Variants in MTMR9 observed in about 807,000 individuals in gnomAD.
MTMR9 encodes myotubularin related protein 9.
Under a neutral mutation model 69.5 loss-of-function variants are expected in MTMR9, and 39 were observed. The ratio of observed to expected loss-of-function variants is 0.56; its 90% CI spans 0.43 to 0.73. The LOEUF is 0.73. Among genes scored for constraint, MTMR9 ranks in the 30% least tolerant of loss-of-function variants. The pLI is 0.00. For missense variants in MTMR9, 900 were observed against 671.2 expected, an observed-to-expected ratio of 1.34 and a Z score of -3.77; for synonymous variants, 354 against 240.8, an observed-to-expected ratio of 1.47 and a Z score of -4.35.
chr8:11,313,576 T>G (rs1325270692), intron 6 of MTMR9, among the ~76,000 whole-genome samples: 1 of 152,240 alleles, frequency 6.6e-6, no homozygotes, highest in South Asian at 2.1e-4. Context: ...TCCTTTCATT[T>G]GAACACTTAC....
At chr8:11,330,346 C>A (rs1296957712), downstream of MTMR9, among the ~76,000 whole-genome samples, 3 of 151,890 alleles carry the variant, frequency 2.0e-5, no homozygotes, top group South Asian at 2.1e-4. Flanking sequence ...AGGTGGGGGG[C>A]GCCTCTGCCC....
intron 2 of MTMR9, among the ~76,000 whole-genome samples, chr8:11,295,969 C>G (rs1180566739): frequency 6.6e-6 from 1 of 152,150 alleles, no homozygotes; most frequent in Non-Finnish European, 1.5e-5. Context: ...GTTCACTTCT[C>G]TACCAGGTTA....
chr8:11,311,496 A>G (rs1800196599), intron 6 of MTMR9, among the ~76,000 whole-genome samples: 1 of 152,248 alleles, frequency 6.6e-6, no homozygotes, highest in African/African-American at 2.4e-5. Flanking sequence ...TCTAGTGCAT[A>G]TAAAGTTATG....
At chr8:11,300,705 G>A (rs1224109885) in intron 3 of MTMR9, 1 of 152,138 alleles carries the variant, frequency 6.6e-6, no homozygotes, top group Non-Finnish European at 1.5e-5. Context: ...ATACAAAAAC[G>A]AATTGAATTG....
At chr8:11,319,908 G>A (rs1185997679) in intron 9 of MTMR9, 70 bp downstream of exon 9, 70 of 1,504,500 alleles carry the variant, frequency 4.7e-5, no homozygotes, top group Non-Finnish European at 6.0e-5. Flanking sequence ...AGTGTGTGCT[G>A]TTGGTGATGT....
chr8:11,336,033 G>A, the MTMR9 span, among the ~76,000 whole-genome samples: 1 of 152,166 alleles, frequency 6.6e-6, no homozygotes, highest in Admixed American at 6.5e-5. Context: ...GACAAGGAAT[G>A]CATAGCTGCA....
chr8:11,290,090 G>T (rs1286269876), intron 1 of MTMR9, among the ~76,000 whole-genome samples: 1 of 151,958 alleles, frequency 6.6e-6, no homozygotes, highest in Non-Finnish European at 1.5e-5. Context: ...TGCAGGAGAG[G>T]GTACCTCGTC....
chr8:11,330,261 C>A (rs35631424), downstream of MTMR9, among the ~76,000 whole-genome samples: 84 of 149,486 alleles, frequency 5.6e-4, 1 homozygote, highest in Admixed American at 2.3e-3. Context: ...GTCAGCCCCC[C>A]ACCGGCCAGC....
At chr8:11,312,398 G>A (rs1480317238) in intron 6 of MTMR9, among the ~76,000 whole-genome samples, 1 of 152,134 alleles carries the variant, frequency 6.6e-6, no homozygotes, top group South Asian at 2.1e-4. Context: ...CCAAGCTGGA[G>A]TGCAGTGGCA....
At chr8:11,335,457 G>A in the MTMR9 span, among the ~76,000 whole-genome samples, 1 of 152,158 alleles carries the variant, frequency 6.6e-6, no homozygotes, top group African/African-American at 2.4e-5. Flanking sequence ...GTTCATGGAT[G>A]GGAAGAATCA....
chr8:11,336,616 C>G, the MTMR9 span, among the ~76,000 whole-genome samples: 1 of 152,170 alleles, frequency 6.6e-6, no homozygotes, highest in Non-Finnish European at 1.5e-5. Context: ...ACTTTTTTGG[C>G]CATCTCCAAT....
At chr8:11,331,336 G>C (rs1216666496), downstream of MTMR9, 3 of 1,613,968 alleles carry the variant, frequency 1.9e-6, no homozygotes, top group Non-Finnish European at 2.5e-6. Flanking sequence ...ATCTGTCGAT[G>C]CCTCTTCCAC....
chr8:11,296,463 C>G (rs941365816), intron 2 of MTMR9, among the ~76,000 whole-genome samples: 4 of 152,158 alleles, frequency 2.6e-5, no homozygotes, highest in Non-Finnish European at 5.9e-5. Context: ...AAACTTTATT[C>G]ACATTGTTGT....
the MTMR9 span, among the ~76,000 whole-genome samples, chr8:11,334,340 C>T: frequency 6.6e-6 from 1 of 152,134 alleles, no homozygotes; most frequent in Admixed American, 6.5e-5. Flanking sequence ...TTATTGAGCA[C>T]TCAATGTATA....
intron 8 of MTMR9, chr8:11,318,146 T>C (rs1053172967): frequency 1.3e-5 from 2 of 152,218 alleles, no homozygotes; most frequent in Admixed American, 1.3e-4. Flanking sequence ...CCTGTTAATA[T>C]CCTCAGGACT....
At chr8:11,305,599 A>C (rs901930110) in intron 4 of MTMR9, among the ~76,000 whole-genome samples, 13 of 152,252 alleles carry the variant, frequency 8.5e-5, no homozygotes, top group African/African-American at 3.1e-4. Context: ...TTTCAAAAGC[A>C]AACATTTCCA....
chr8:11,332,303 G>A (rs752303835), downstream of MTMR9: 18 of 1,091,730 alleles, frequency 1.6e-5, no homozygotes, highest in Non-Finnish European at 2.2e-5. Context: ...ATATCACAAA[G>A]CATGCAAACA....
At chr8:11,287,629 G>T (rs1799208796) in intron 1 of MTMR9, among the ~76,000 whole-genome samples, 1 of 146,652 alleles carries the variant, frequency 6.8e-6, no homozygotes. Flanking sequence ...CCAGGGAGAT[G>T]GACAATCAAG....
chr8:11,328,262 G>C (rs1801037577), downstream of MTMR9: 1 of 151,620 alleles, frequency 6.6e-6, no homozygotes. Context: ...CTGCAAAAAG[G>C]CTGCAAAATA....
Sources: gnomAD v4.1 joint callset for allele counts (sites outside exome capture counted in the v4.1 genomes callset) on GRCh38, gnomAD v4.1.1 for gene constraint, MANE v1.5 for transcripts, NCBI Gene and HGNC (gene_info 2026-07-23, HGNC 2026-07-21) for gene names.